Variants in SYNE1 observed in about 807,000 individuals in gnomAD.
SYNE1 encodes the protein spectrin repeat containing nuclear envelope protein 1, also known as nesprin-1.
Under a neutral mutation model 1,111.0 loss-of-function variants are expected in SYNE1, and 616 were observed. The observed-to-expected ratio is 0.55, with a 90% CI of 0.52 to 0.59. The LOEUF (loss-of-function observed/expected upper bound fraction) is 0.59. Ranked by LOEUF, SYNE1 falls within the 20% of genes least tolerant of loss-of-function variation. The pLI, the probability that SYNE1 is intolerant of heterozygous loss-of-function variation, is 0.00. For synonymous variants in SYNE1, 3,855 were observed against 3,825.8 expected (o/e 1.01, Z -0.28); for missense variants, 10,006 against 10,417.0 (o/e 0.96, Z 1.72).
chr6:152,535,104 T>A (rs1018775705), intron 4 of SYNE1, among the ~76,000 whole-genome samples: 2 of 152,240 alleles, frequency 1.3e-5, no homozygotes, highest in African/African-American at 2.4e-5. Flanking sequence ...GTCATTAGCA[T>A]GGGTCCTAAT....
chr6:152,180,078 G>C (rs2067564426), intron 129 of SYNE1, 58 bp downstream of exon 129: 1 of 1,584,882 alleles, frequency 6.3e-7, no homozygotes, highest in Admixed American at 1.7e-5. Context: ...CTGTACCTGT[G>C]AAAAGTACAC....
chr6:152,319,354 G>A (rs915059750), intron 84 of SYNE1, among the ~76,000 whole-genome samples: 1 of 152,186 alleles, frequency 6.6e-6, no homozygotes, highest in African/African-American at 2.4e-5. Flanking sequence ...ATGACCTTGA[G>A]CACACAAACT....
chr6:152,633,103 C>T lies in SYNE1; in HGVS notation c.-224+3535G>A, dbSNP rs139028046. ...GAGGCAGATCCAGAACATCAATAAA[C>T]TCACTATTCCCAAGATTATTAAAAC... On this transcript the variant is annotated intron_variant, in intron 2 of 145. Coordinates refer to ENST00000367255, the MANE Select transcript of SYNE1 (RefSeq NM_182961.4). 1.5e-4 allele frequency among the ~76,000 whole-genome samples: 23 copies of T among 152,350 alleles called. No individual in the cohort carries two copies. In the East Asian group the frequency reaches 3.9e-3, roughly 26 times the overall value.
chr6:152,357,333 G>T (rs1411365424), intron 66 of SYNE1, among the ~76,000 whole-genome samples: 1 of 152,108 alleles, frequency 6.6e-6, no homozygotes, highest in Non-Finnish European at 1.5e-5. Flanking sequence ...AGTAGAAAAA[G>T]CCAGAAATTT....
intron 111 of SYNE1, 51 bp from the exon 112 acceptor site, chr6:152,234,014 T>C: frequency 1.3e-6 from 2 of 1,594,538 alleles, no homozygotes; most frequent in Non-Finnish European, 1.7e-6. Flanking sequence ...AGACCATTCA[T>C]TAAAAGGAAA....
intron 3 of SYNE1, among the ~76,000 whole-genome samples, chr6:152,612,744 C>T (rs1186147255): frequency 6.6e-6 from 1 of 152,126 alleles, no homozygotes; most frequent in Non-Finnish European, 1.5e-5. Context: ...TGTGAAAATC[C>T]TCAGTAAAAT....
At chr6:152,537,020 A>G (rs1475884336) in intron 4 of SYNE1, among the ~76,000 whole-genome samples, 1 of 152,158 alleles carries the variant, frequency 6.6e-6, no homozygotes, top group African/African-American at 2.4e-5. Flanking sequence ...TTGACTTTGA[A>G]AAACCATCAC....
At chr6:152,636,987 G>C (rs909345197) in intron 1 of SYNE1, 182 bp from the exon 2 acceptor site, 1 of 152,336 alleles carries the variant, frequency 6.6e-6, no homozygotes, top group African/African-American at 2.4e-5. Flanking sequence ...CTCCCCCTTC[G>C]CCCTCCCCCA....
At chr6:152,406,767 C>A (rs1051460523) in intron 45 of SYNE1, among the ~76,000 whole-genome samples, 2 of 151,990 alleles carry the variant, frequency 1.3e-5, no homozygotes, top group African/African-American at 4.8e-5. Flanking sequence ...ACTCAGGAGG[C>A]TGAGGCAGGA....
rs555800735 is a variant in SYNE1 at position 152,449,537 on chromosome 6, A to G, written c.3500T>C (p.Val1167Ala). 3.0e-5 allele frequency: 48 copies of G among 1,613,108 alleles called. No individual in the cohort carries two copies. In the East Asian group the frequency reaches 8.7e-4, roughly 29 times the overall value. The part of the protein sequence containing the change: ...TANHGEVKRA[V>A]EEIRNGVTKR... ...AAATAATGACCCTGAACTTACTTCA[A>G]CGGCACGTTTAACCTCTCCGTGGTT... The change falls in exon 28 of 146, where the codon GTT (valine) becomes GCT (alanine). Residue 1167 changes from valine to alanine, a missense_variant. Coordinates refer to ENST00000367255, the MANE Select transcript of SYNE1 (RefSeq NM_182961.4).
At chr6:152,173,406 A>G (rs980685695) in intron 130 of SYNE1, among the ~76,000 whole-genome samples, 7 of 152,250 alleles carry the variant, frequency 4.6e-5, no homozygotes, top group African/African-American at 1.7e-4. Flanking sequence ...GCACCAATAC[A>G]GGACAGAAAT....
intron 76 of SYNE1, chr6:152,335,506 T>C (rs372517859): frequency 1.2e-3 from 176 of 152,302 alleles, no homozygotes; most frequent in African/African-American, 4.0e-3. Flanking sequence ...AAAAAAGAGT[T>C]CATGCTTCTG....
intron 72 of SYNE1, among the ~76,000 whole-genome samples, chr6:152,348,641 C>T (rs1415275613): frequency 1.3e-5 from 2 of 151,868 alleles, no homozygotes; most frequent in Non-Finnish European, 2.9e-5. Flanking sequence ...GCTGAGGTTG[C>T]ACCATTGCAC....
chr6:152,483,202 C>A lies in SYNE1; in HGVS notation c.1233G>T (p.Leu411=), dbSNP rs746194692. ...TGTACAGCCAGGCACCTATGGTGCCCAGAGGTGCAGGAAGAGATTTATCAA... is the reference window on the plus strand; with the variant it reads ...TGTACAGCCAGGCACCTATGGTGCCAAGAGGTGCAGGAAGAGATTTATCAA... The part of the protein sequence containing the change: ...IQLDKSLPAP[L]GTIGAWLYRA... Residue 411 remains leucine (L), a synonymous_variant, in exon 14 of 146, where the codon CTG becomes CTT. Coordinates refer to ENST00000367255, the MANE Select transcript of SYNE1 (RefSeq NM_182961.4). 6.2e-6 allele frequency: 10 copies of A among 1,614,050 alleles called. No homozygotes were observed. The highest frequency in any genetic ancestry group is 8.5e-6 in the Non-Finnish European group (10 of 1,179,972).
rs1376030298 is a variant in SYNE1 at position 152,398,669 on chromosome 6, C to G, written c.7300G>C (p.Asp2434His). 1 of 1,614,030 alleles carries G rather than the reference C, an allele frequency of 6.2e-7. No individual in the cohort carries two copies. ...AGAACTTTGCTGTCACCGGTGCGAT[C>G]TGATGATTCTTTTGCTGCTGCCTTT... ...GAKAAAKESS[D>H]RTGDSKVLEA... Residue 2434 changes from aspartate to histidine, a missense_variant, in exon 49 of 146, where the codon GAT becomes CAT. Physicochemically the swap from Asp to His is moderately conservative, Grantham distance 81 (BLOSUM62 -1). This residue lies in a region of SYNE1 where 4,955 missense variants were observed against 5,017.2 expected (regional missense o/e 0.99). Coordinates refer to ENST00000367255, the MANE Select transcript of SYNE1 (RefSeq NM_182961.4).
In SYNE1 at chr6:152,231,504, G is replaced by T. The variant is rs1407260108; in HGVS notation, c.20926C>A (p.Gln6976Lys). 6.2e-7 allele frequency: 1 copy of T among 1,613,932 alleles called. No individual in the cohort carries two copies. The highest frequency in any genetic ancestry group is 1.3e-5 in the African/African-American group (1 of 74,872). Residue 6976 changes from glutamine (Q) to lysine (K), a missense_variant, in exon 114 of 146, where the codon CAA becomes AAA. Physicochemically the swap from Gln to Lys is moderately conservative, Grantham distance 53. This residue lies in a region of SYNE1 where 2,182 missense variants were observed against 2,287.8 expected (regional missense o/e 0.95). Transcript: ENST00000367255. ...TVDFVNQSVL[Q>K]ISSQDVESKR... The stretch of plus-strand genomic sequence containing the variant: ...CTTTCCACATCCTGACTGCTGATTT[G>T]TAGCACGGACTGGTTCACAAAATCC...
intron 98 of SYNE1, among the ~76,000 whole-genome samples, chr6:152,273,917 C>T (rs1461920505): frequency 2.6e-5 from 4 of 152,092 alleles, no homozygotes; most frequent in African/African-American, 4.8e-5. Flanking sequence ...AGGATCAGGC[C>T]GCCCCTTCCC....
rs1321475878 is a variant in SYNE1 at position 152,281,919 on chromosome 6, C to G, written c.18269G>C (p.Cys6090Ser). 42 of 1,614,052 alleles carry G rather than the reference C, an allele frequency of 2.6e-5. No homozygotes were observed. The highest frequency in any genetic ancestry group is 3.6e-5 in the Non-Finnish European group (42 of 1,180,042). ...CCAGCTGTCCAGCTCATCGGCTTCA[C>G]AGCGATACCTCTGCAGGGCCTGTTC... Reference protein sequence around the residue: ...RQEQALQRYRCEADELDSWLL... With the variant: ...RQEQALQRYRSEADELDSWLL... Residue 6090 changes from cysteine (C) to serine (S), a missense_variant, in exon 97 of 146, where the codon TGT becomes TCT. By Grantham distance (112) the Cys-to-Ser change is moderately radical (BLOSUM62 -1). This residue lies in a region of SYNE1 where 99 missense variants were observed against 147.8 expected (regional missense o/e 0.67). Transcript: ENST00000367255.
chr6:152,182,424 T>C (rs546000113), intron 128 of SYNE1, among the ~76,000 whole-genome samples: 30 of 152,320 alleles, frequency 2.0e-4, no homozygotes, highest in African/African-American at 7.2e-4. Context: ...ACCCCCAACA[T>C]TTTATTACAA....
Sources: gnomAD v4.1 joint callset for allele counts (sites outside exome capture counted in the v4.1 genomes callset) on GRCh38, gnomAD v4.1.1 for gene constraint, gnomAD v4.1.1 regional missense constraint, MANE v1.5 for transcripts, NCBI Gene and HGNC (gene_info 2026-07-23, HGNC 2026-07-21) for gene names.